Variants in KDM6B observed in about 807,000 individuals in gnomAD.
KDM6B encodes the protein lysine demethylase 6B, also known as lysine-specific demethylase 6B.
KDM6B carries 22 observed loss-of-function variants against 150.4 expected under a neutral mutation model. That is an observed-to-expected ratio of 0.15 (90% CI 0.10 to 0.21). The LOEUF is 0.21. Among genes scored for constraint, KDM6B ranks in the 10% least tolerant of loss-of-function variants. The pLI, the probability that KDM6B is intolerant of heterozygous loss-of-function variation, is 1.00. For synonymous variants in KDM6B, 1,148 were observed against 921.1 expected (o/e 1.25, Z -4.46); for missense variants, 1,984 against 2,234.3 (o/e 0.89, Z 2.26).
In KDM6B at chr17:7,834,222, T is replaced by A. The variant is rs1341719498; in HGVS notation, c.-516T>A. Among the ~76,000 whole-genome samples the A allele has an allele frequency of 6.6e-6, 1 of 150,594 alleles. No homozygotes were observed. The highest frequency in any genetic ancestry group is 1.5e-5 in the Non-Finnish European group (1 of 67,516). ...TGGGGAGCGGGGGTGCGGGTGTTTG[T>A]GTTGGAAAATCCAACTGCGCCACTG... On this transcript the variant is annotated 5_prime_UTR_variant, in exon 1 of 24. Transcript: ENST00000448097.
chr17:7,853,403 GGCA>G lies in KDM6B; in HGVS notation c.4908+26_4908+28del. On this transcript the variant is annotated intron_variant, in intron 23 of 23. Transcript: ENST00000448097. Reference sequence around the variant, plus strand: ...CTGGTGAGGGCCCGGCGGGCGCGCGGGCAGCGGAGGAGGGCACTGGGGCAGGCT... The same window carrying G: ...CTGGTGAGGGCCCGGCGGGCGCGCGGGCGGAGGAGGGCACTGGGGCAGGCT... The G allele has an allele frequency of 6.5e-7, 1 of 1,535,232 alleles. No individual in the cohort carries two copies. Among genetic ancestry groups the G allele is most frequent in the Non-Finnish European group, 8.7e-7 (1 of 1,146,114 alleles).
Position 7,854,416 on chromosome 17 carries a change from TAAATA to T in KDM6B, c.*904_*908del, listed in dbSNP as rs1472436050. 9 of 148,384 alleles carry T rather than the reference TAAATA, an allele frequency of 6.1e-5. No individual in the cohort carries two copies. The highest frequency in any genetic ancestry group is 4.2e-4 in the South Asian group (2 of 4,754). 9.2% of individuals were successfully genotyped at this position (148,384 alleles called of 1,614,324 possible). On this transcript the variant is annotated 3_prime_UTR_variant, in exon 24 of 24. Coordinates refer to ENST00000448097, the MANE Select transcript of KDM6B (RefSeq NM_001348716.2). ...CTGAAATGGTATTTTGTAAAAAAAA[TAAATA>T]AAATAAAAAAATTAAAGGTTTTAAA... is the stretch of plus-strand genomic sequence containing the variant.
At chr17:7,845,820 A>G (rs2078521132) in intron 5 of KDM6B, 52 bp from the exon 6 acceptor site, 1 of 1,589,862 alleles carries the variant, frequency 6.3e-7, no homozygotes, top group South Asian at 1.1e-5. Context: ...CTGCCTAGGT[A>G]GGACAAGACT....
Position 7,847,251 on chromosome 17 carries a change from C to T in KDM6B, c.1056C>T (p.Ala352=). The T allele has an allele frequency of 1.2e-6, 2 of 1,603,252 alleles. No homozygotes were observed. The highest frequency in any genetic ancestry group is 1.1e-5 in the South Asian group (1 of 91,050). The change falls in exon 11 of 24, where the codon GCC becomes GCT. Residue 352 remains alanine, a synonymous_variant. Coordinates refer to ENST00000448097, the MANE Select transcript of KDM6B (RefSeq NM_001348716.2). ...PGAESHGCLP[A]TRPPGSDLRE... is the part of the protein sequence containing the mutation. ...CAGAGAGCCATGGCTGCCTGCCTGC[C>T]ACCCGTCCCCCCGGAAGTGACCTTA...
In KDM6B at chr17:7,845,372, C is replaced by T. The variant is rs1186143660; in HGVS notation, c.-90C>T. ...GGGGTAGCGGGCACTCTTATCAGAG[C>T]GGCTGGAGCCGGACCATCGTCCCAG... is the stretch of plus-strand genomic sequence containing the variant. On this transcript the variant is annotated 5_prime_UTR_variant, in exon 4 of 24. Transcript: ENST00000448097. 4 of 742,758 alleles carry T rather than the reference C, an allele frequency of 5.4e-6. No individual in the cohort carries two copies. The highest frequency in any genetic ancestry group is 1.5e-5 in the South Asian group (1 of 65,726). The allele number at this position is 742,758 out of a possible 1,614,324, so 46.0% of individuals were successfully genotyped here.
rs1302908966 is a variant in KDM6B at position 7,843,983 on chromosome 17, AGGGAGTG to A, written c.-268-915_-268-909del. Among the ~76,000 whole-genome samples, 1 of 151,332 alleles carries A rather than the reference AGGGAGTG, an allele frequency of 6.6e-6. No individual in the cohort carries two copies. Among genetic ancestry groups the A allele is most frequent in the Non-Finnish European group, 1.5e-5 (1 of 67,872 alleles). On this transcript the variant is annotated intron_variant, in intron 2 of 23. Transcript: ENST00000448097. The surrounding 1 kb of genome is among the most constrained non-coding windows in gnomAD (Gnocchi z 4.5). Reference sequence around the variant, plus strand: ...AGTGAAACGAGTTCTGGGTTCTTTAAGGGAGTGGGTGGTGAGAGTGGGACAAGGGTGA... The same window carrying A: ...AGTGAAACGAGTTCTGGGTTCTTTAAGGTGGTGAGAGTGGGACAAGGGTGA...
At chr17:7,851,908 T>G (rs760785018) in intron 18 of KDM6B, 43 bp from the exon 19 acceptor site, 10 of 1,607,652 alleles carry the variant, frequency 6.2e-6, no homozygotes, top group African/African-American at 4.0e-5. Context: ...GGGATCGCAG[T>G]TCCGACCTGG....
chr17:7,848,442 C>A lies in KDM6B; in HGVS notation c.2154C>A (p.Gly718=), dbSNP rs766690832. 1 of 1,612,872 alleles carries A rather than the reference C, an allele frequency of 6.2e-7. No homozygotes were observed. Residue 718 remains glycine (G), a synonymous_variant, in exon 12 of 24, where the codon GGC becomes GGA. Coordinates refer to ENST00000448097, the MANE Select transcript of KDM6B (RefSeq NM_001348716.2). ...AGGAACAGCAACAACACGAAGCAGGCGTGGCCCCCCAACCCCCGCTGAAGG... is the reference window on the plus strand; with the variant it reads ...AGGAACAGCAACAACACGAAGCAGGAGTGGCCCCCCAACCCCCGCTGAAGG... ...KEEEQQQHEA[G]VAPQPPLKEP...
At position 7,834,369 on chromosome 17, in the gene KDM6B, G is replaced by A. The variant is rs532248086; in HGVS notation, c.-388+19G>A. Among the ~76,000 whole-genome samples the A allele has an allele frequency of 2.0e-4, 30 of 152,174 alleles. No homozygotes were observed. Among genetic ancestry groups the A allele is most frequent in the Admixed American group, 4.6e-4 (7 of 15,312 alleles). On this transcript the variant is annotated intron_variant, in intron 1 of 23. Transcript: ENST00000448097. ...GAACCAGGTAACGGGGAGCCGCGAG[G>A]ACGTCTGTAAAGAGGGAAACCCTCT...
Position 7,852,496 on chromosome 17 carries a change from C to G in KDM6B, c.4470C>G (p.Ala1490=), listed in dbSNP as rs200157025. The G allele has an allele frequency of 2.3e-4, 369 of 1,607,214 alleles. 1 individual carries two copies. The highest frequency in any genetic ancestry group is 3.0e-4 in the Non-Finnish European group (350 of 1,176,982). ...GTTGTGATCGCCTTTGGCCCGCAGC[C>G]TATCAGTACCAGCTGGCCCTGGAAC... The part of the protein sequence containing the change: ...NIAWNVGPLT[A]YQYQLALERY... The change falls in exon 21 of 24, where the codon GCC becomes GCG. Residue 1490 remains alanine, a splice_region_variant and synonymous_variant. Coordinates refer to ENST00000448097, the MANE Select transcript of KDM6B (RefSeq NM_001348716.2).
chr17:7,836,256 C>A (rs1469431088), intron 1 of KDM6B, among the ~76,000 whole-genome samples: 1 of 152,248 alleles, frequency 6.6e-6, no homozygotes, highest in African/African-American at 2.4e-5. Context: ...CCTTCCCATT[C>A]CTAACGTTTC....
chr17:7,839,602 C>T (rs907358281), intron 1 of KDM6B, among the ~76,000 whole-genome samples: 3 of 152,014 alleles, frequency 2.0e-5, no homozygotes, highest in Admixed American at 1.3e-4. Flanking sequence ...GCAGCTGGGG[C>T]GACTCAGGCC....
In KDM6B at chr17:7,849,410, C is replaced by T. The variant is rs1567798943; in HGVS notation, c.3122C>T (p.Ala1041Val). ...REKSRPDLGG[A>V]SKAKPPTAPA... ...AAGTCCCGGCCCGATCTTGGCGGGG[C>T]CTCCAAGGCCAAGCCACCCACAGCT... Residue 1041 changes from alanine to valine, a missense_variant, in exon 12 of 24, where the codon GCC becomes GTC. Ala to Val is a moderately conservative substitution (Grantham distance 64). Transcript: ENST00000448097. 1.2e-6 allele frequency: 2 copies of T among 1,611,300 alleles called. No homozygotes were observed. Among genetic ancestry groups the T allele is most frequent in the Admixed American group, 3.3e-5 (2 of 59,964 alleles).
chr17:7,836,459 TCCGGCTGGCGG>T (rs1356203562), intron 1 of KDM6B, among the ~76,000 whole-genome samples: 3 of 152,260 alleles, frequency 2.0e-5, no homozygotes, highest in East Asian at 1.9e-4. Flanking sequence ...CCAGACAGAT[TCCGGCTGGCGG>T]CCGGCTGGGG....
Position 7,851,835 on chromosome 17 carries a change from G to A in KDM6B, c.4165+39G>A, listed in dbSNP as rs367588276. On this transcript the variant is annotated intron_variant, in intron 18 of 23. Transcript: ENST00000448097. ...CTGTGCGCGCTGATGCTGGAAGCGCGAGAGGAGGGGCTGGCGGCGGCGCTC... is the reference window on the plus strand; with the variant it reads ...CTGTGCGCGCTGATGCTGGAAGCGCAAGAGGAGGGGCTGGCGGCGGCGCTC... The A allele has an allele frequency of 3.8e-6, 6 of 1,561,172 alleles. No homozygotes were observed. The African/African-American group carries it at 6.8e-5, about 18-fold the overall frequency.
chr17:7,840,705 A>G (rs370461591), intron 2 of KDM6B: 1 of 152,146 alleles, frequency 6.6e-6, no homozygotes, highest in South Asian at 2.1e-4. Flanking sequence ...TCCTCATTAC[A>G]TATGGGGTTT....
At chr17:7,839,058 G>A (rs1333209233) in intron 1 of KDM6B, among the ~76,000 whole-genome samples, 5 of 152,144 alleles carry the variant, frequency 3.3e-5, no homozygotes, top group Non-Finnish European at 7.3e-5. Flanking sequence ...AAGTGTTTGG[G>A]TCCATAAGGG....
At position 7,847,571 on chromosome 17, in the gene KDM6B, C is replaced by G. The variant is rs1197422647; in HGVS notation, c.1283C>G (p.Pro428Arg). 2.5e-6 allele frequency: 4 copies of G among 1,613,218 alleles called. No homozygotes were observed. Among genetic ancestry groups the G allele is most frequent in the Non-Finnish European group, 3.4e-6 (4 of 1,179,956 alleles). The change falls in exon 12 of 24, where the codon CCC becomes CGC. Residue 428 changes from proline (P) to arginine (R), a missense_variant. By Grantham distance (103) the Pro-to-Arg change is moderately radical (BLOSUM62 -2). Around this residue, in one of 13 missense-constraint regions of KDM6B, gnomAD observed 1,379 missense variants for 1,275.6 expected, o/e 1.08. Transcript: ENST00000448097. ...CCCGGCGCTGACCATTACCAAACTC[C>G]CGCGCTGGAGGTCTCTCACCATGGC... is the stretch of plus-strand genomic sequence containing the variant. ...GIPGADHYQT[P>R]ALEVSHHGRL...
At position 7,851,410 on chromosome 17, in the gene KDM6B, GC is replaced by G. The variant is rs964170868; in HGVS notation, c.3944+20del. 4 of 1,614,010 alleles carry G rather than the reference GC, an allele frequency of 2.5e-6. No homozygotes were observed. In the African/African-American group the frequency reaches 5.3e-5, roughly 22 times the overall value. ...CCCCTCCTAGGTACTGTGCAGGTGT[GC>G]CCCTTCTGTTCCTGCTTCCTTCCCC... On this transcript the variant is annotated intron_variant, in intron 16 of 23. Coordinates refer to ENST00000448097, the MANE Select transcript of KDM6B (RefSeq NM_001348716.2).
Sources: allele counts gnomAD v4.1 joint callset (sites outside exome capture counted in the v4.1 genomes callset), GRCh38; gene constraint gnomAD v4.1.1; regional missense constraint gnomAD v4.1.1; non-coding constraint Gnocchi (gnomAD v3.1); transcripts MANE v1.5; gene names NCBI Gene and HGNC (gene_info 2026-07-23, HGNC 2026-07-21).